POSTN: variants seen among roughly 807,000 people sequenced by gnomAD.
POSTN encodes osteoblast specific factor 2 (fasciclin I-like).
A neutral mutation model predicts 104.5 loss-of-function variants in POSTN; 71 were observed. That is an observed-to-expected ratio of 0.68 (90% CI 0.56 to 0.83). The LOEUF (loss-of-function observed/expected upper bound fraction) is 0.83, where lower values mean the gene tolerates loss of function less well. POSTN is among the 40% of genes least tolerant of loss of function. POSTN has a pLI of 0.00. For synonymous variants in POSTN, 355 were observed against 340.7 expected, an observed-to-expected ratio of 1.04 and a Z score of -0.46; for missense variants, 949 against 1,006.8, an observed-to-expected ratio of 0.94 and a Z score of 0.78.
chr13:37,597,627 T>C (rs1951122188), intron 1 of POSTN, among the ~76,000 whole-genome samples: 1 of 152,178 alleles, frequency 6.6e-6, no homozygotes, highest in South Asian at 2.1e-4. Context: ...TGACCCTTTT[T>C]AAACCAAGCA....
At chr13:37,588,040 G>T in intron 4 of POSTN, 54 bp from the exon 5 acceptor site, 1 of 1,389,998 alleles carries the variant, frequency 7.2e-7, no homozygotes, top group Non-Finnish European at 1.0e-6. Context: ...ATTAGTAAAA[G>T]TCTTACGATC....
At chr13:37,574,022 A>G (rs1415155407) in intron 17 of POSTN, among the ~76,000 whole-genome samples, 1 of 151,674 alleles carries the variant, frequency 6.6e-6, no homozygotes, top group African/African-American at 2.4e-5. Flanking sequence ...TTAAAAATCA[A>G]TTCACTGCAT....
chr13:37,573,349 G>A (rs552337504), intron 17 of POSTN, among the ~76,000 whole-genome samples: 11 of 150,940 alleles, frequency 7.3e-5, no homozygotes, highest in East Asian at 3.9e-4. Context: ...TTAAAATACC[G>A]AATTGTCTTC....
At chr13:37,568,337 TA>T (rs1725206558) in intron 21 of POSTN, among the ~76,000 whole-genome samples, 1 of 152,100 alleles carries the variant, frequency 6.6e-6, no homozygotes, top group South Asian at 2.1e-4. Context: ...AATATAGAAA[TA>T]ATAATTGCTA....
intron 15 of POSTN, 26 bp downstream of exon 15, chr13:37,578,813 AAAAAG>A (rs1342911440): frequency 1.0e-5 from 15 of 1,491,474 alleles, no homozygotes; most frequent in Non-Finnish European, 1.3e-5. Flanking sequence ...AAAAAAAAAA[AAAAAG>A]AAATAAATCA....
intron 10 of POSTN, among the ~76,000 whole-genome samples, chr13:37,581,201 T>C (rs1016990740): frequency 1.2e-4 from 19 of 152,342 alleles, no homozygotes; most frequent in Non-Finnish European, 2.5e-4. Context: ...TATTTGTATA[T>C]ACAAAATTTA....
At chr13:37,577,423 T>A (rs1399090019) in intron 16 of POSTN, among the ~76,000 whole-genome samples, 2 of 152,198 alleles carry the variant, frequency 1.3e-5, no homozygotes, top group African/African-American at 2.4e-5. Context: ...TGTCCACACA[T>A]CTGAATTTTT....
Position 37,579,110 on chromosome 13 carries a change from T to G in POSTN, c.1803A>C (p.Thr601=). Residue 601 remains threonine, a synonymous_variant, in exon 14 of 23, where the codon ACA becomes ACC. Transcript: ENST00000379747. The part of the protein sequence containing the change: ...SKIFLKEVND[T]LLVNELKSKE... ...TTGATTTCAATTCATTCACCAGAAGTGTATCATTTACCTATCAAAATAGGA... is the reference window on the plus strand; with the variant it reads ...TTGATTTCAATTCATTCACCAGAAGGGTATCATTTACCTATCAAAATAGGA... 1 of 1,612,640 alleles carries G rather than the reference T, an allele frequency of 6.2e-7. No individual in the cohort carries two copies. The highest frequency in any genetic ancestry group is 8.5e-7 in the Non-Finnish European group (1 of 1,179,212).
chr13:37,586,902 G>A lies in POSTN; in HGVS notation c.633C>T (p.Ile211=). ...TTGTTGCAATCTGGTTCCCATGGATGATTCGAGCACAATTAACAGTGACAA... is the reference window on the plus strand; with the variant it reads ...TTGTTGCAATCTGGTTCCCATGGATAATTCGAGCACAATTAACAGTGACAA... ...NGVVTVNCAR[I]IHGNQIATNG... Residue 211 remains isoleucine (I), a synonymous_variant, in exon 6 of 23, where the codon ATC becomes ATT. Transcript: ENST00000379747. 1 of 1,613,374 alleles carries A rather than the reference G, an allele frequency of 6.2e-7. No homozygotes were observed.
intron 2 of POSTN, among the ~76,000 whole-genome samples, chr13:37,593,952 T>C (rs898045524): frequency 3.3e-5 from 5 of 151,766 alleles, no homozygotes; most frequent in Non-Finnish European, 5.9e-5. Flanking sequence ...TTAAGAATAA[T>C]AGATAGCTAA....
chr13:37,598,164 AT>A (rs748989050), intron 1 of POSTN, among the ~76,000 whole-genome samples: 1 of 152,176 alleles, frequency 6.6e-6, no homozygotes, highest in Non-Finnish European at 1.5e-5. Context: ...ATTACCCAGT[AT>A]TTAACCTTCA....
chr13:37,598,766 G>T lies in POSTN; in HGVS notation c.-40C>A. On this transcript the variant is annotated 5_prime_UTR_variant, in exon 1 of 23. Coordinates refer to ENST00000379747, the MANE Select transcript of POSTN (RefSeq NM_006475.3). ...TTGCAGTTAGTCCCCGAAGAGAACT[G>T]GCAGTGGGCTTTGGAGAGCTCAGAA... is the stretch of plus-strand genomic sequence containing the variant. 6.2e-7 allele frequency: 1 copy of T among 1,606,802 alleles called. No individual in the cohort carries two copies. The highest frequency in any genetic ancestry group is 1.1e-5 in the South Asian group (1 of 90,282).
intron 11 of POSTN, 104 bp downstream of exon 11, chr13:37,580,457 T>C (rs1031262601): frequency 7.8e-7 from 1 of 1,280,162 alleles, no homozygotes; most frequent in African/African-American, 1.5e-5. Flanking sequence ...CTAAATTCCA[T>C]TTTCAACCAC....
chr13:37,596,761 T>A (rs1239356835), intron 2 of POSTN, among the ~76,000 whole-genome samples: 2 of 152,230 alleles, frequency 1.3e-5, no homozygotes, highest in Non-Finnish European at 2.9e-5. Flanking sequence ...AAACATTAAC[T>A]TTTTGCCTCA....
rs980924563 is a variant in POSTN, at chr13:37,571,455, G to A, written c.2093C>T (p.Pro698Leu). Residue 698 changes from proline to leucine, a missense_variant, in exon 18 of 23, where the codon CCC becomes CTC. Transcript: ENST00000379747. ...SLQPIIKTEGPTLTKVKIEGE... is the reference protein window; with the variant it reads ...SLQPIIKTEGLTLTKVKIEGE... ...TTCAATTTTGACTTTTGTTAGTGTG[G>A]GTCCTGGGACATTATTTTAGGAGAC... The A allele has an allele frequency of 1.3e-6, 2 of 1,595,614 alleles. No individual in the cohort carries two copies. Among genetic ancestry groups the A allele is most frequent in the Non-Finnish European group, 1.7e-6 (2 of 1,164,248 alleles).
intron 11 of POSTN, among the ~76,000 whole-genome samples, 160 bp downstream of exon 11, chr13:37,580,401 C>G (rs535039451): frequency 6.6e-6 from 1 of 152,106 alleles, no homozygotes; most frequent in Non-Finnish European, 1.5e-5. Flanking sequence ...AAAGTAGCAG[C>G]GAAAACATAT....
In POSTN at chr13:37,597,286, G is replaced by C; in HGVS notation, c.120-4C>G. The C allele has an allele frequency of 2.6e-6, 4 of 1,562,006 alleles. No homozygotes were observed. In the South Asian group the frequency reaches 3.6e-5, roughly 14 times the overall value. On this transcript the variant is annotated splice_polypyrimidine_tract_variant and splice_region_variant and intron_variant, in intron 1 of 22. Coordinates refer to ENST00000379747, the MANE Select transcript of POSTN (RefSeq NM_006475.3). ...TTGAAGGGCACAGACATTTGGGCTGGAGGATAGAGGGAAAGGAAAAAAGTT... is the reference window on the plus strand; with the variant it reads ...TTGAAGGGCACAGACATTTGGGCTGCAGGATAGAGGGAAAGGAAAAAAGTT...
intron 2 of POSTN, among the ~76,000 whole-genome samples, chr13:37,596,386 C>T (rs2025405): frequency 0.75 from 114,609 of 151,928 alleles, 43,874 homozygotes; most frequent in Middle Eastern, 0.82. Flanking sequence ...AAAATAAAGA[C>T]TTTGGATCAC....
Position 37,590,367 on chromosome 13 carries a change from A to T in POSTN, c.441+5T>A, listed in dbSNP as rs1357012223. 6.5e-7 allele frequency: 1 copy of T among 1,530,802 alleles called. No individual in the cohort carries two copies. The highest frequency in any genetic ancestry group is 1.3e-5 in the South Asian group (1 of 78,772). 94.8% of individuals were successfully genotyped at this position (1,530,802 alleles called of 1,614,324 possible). ...ATAAATATATTGATAAAAATAATGA[A>T]TTACAGAATCCAAGTTGTCCCAAGC... On this transcript the variant is annotated splice_donor_5th_base_variant and intron_variant, in intron 4 of 22. Transcript: ENST00000379747.
Sources: gnomAD v4.1 joint callset for allele counts (sites outside exome capture counted in the v4.1 genomes callset) on GRCh38, gnomAD v4.1.1 for gene constraint, MANE v1.5 for transcripts, NCBI Gene and HGNC (gene_info 2026-07-23, HGNC 2026-07-21) for gene names.